The following GAK variants were observed in gnomAD, a reference collection of about 807,000 sequenced individuals.
GAK encodes cyclin G associated kinase.
A neutral mutation model predicts 143.9 loss-of-function variants in GAK; 79 were observed. The observed-to-expected ratio is 0.55, with a 90% CI of 0.46 to 0.66. The LOEUF is 0.66. Ranked by LOEUF, GAK falls within the 30% of genes least tolerant of loss-of-function variation. The pLI is 0.00. For synonymous variants in GAK, 881 were observed against 765.5 expected, an observed-to-expected ratio of 1.15 and a Z score of -2.49; for missense variants, 1,693 against 1,779.7, an observed-to-expected ratio of 0.95 and a Z score of 0.88.
chr4:920,539 ATTTTT>A (rs34176109), intron 1 of GAK, among the ~76,000 whole-genome samples: 4 of 129,594 alleles, frequency 3.1e-5, no homozygotes, highest in East Asian at 4.7e-4. Flanking sequence ...GTTTAGAGCC[ATTTTT>A]TTTTTTTTTT....
intron 1 of GAK, among the ~76,000 whole-genome samples, chr4:919,833 C>T (rs1187715247): frequency 6.6e-6 from 1 of 152,242 alleles, no homozygotes; most frequent in South Asian, 2.1e-4. Flanking sequence ...CATCTACATC[C>T]AGCACCTAAG....
Position 865,135 on chromosome 4 carries a change from C to T in GAK, c.3153G>A (p.Thr1051=), listed in dbSNP as rs149678181. Residue 1051 remains threonine (T), a synonymous_variant, in exon 23 of 28, where the codon ACG becomes ACA. Coordinates refer to ENST00000314167, the MANE Select transcript of GAK (RefSeq NM_005255.4). Reference sequence around the variant, plus strand: ...TGGTGGCCATACCTTCTGTGGCTGGCGTGGGGGCCACTGCCGATGCTGCAG... The same window carrying T: ...TGGTGGCCATACCTTCTGTGGCTGGTGTGGGGGCCACTGCCGATGCTGCAG... ...TETAASAVAP[T]PATEGPLFSP... 104 of 1,608,722 alleles carry T rather than the reference C, an allele frequency of 6.5e-5. 1 individual carries two copies. Among genetic ancestry groups the T allele is most frequent in the African/African-American group, 2.8e-4 (21 of 74,998 alleles).
intron 15 of GAK, among the ~76,000 whole-genome samples, chr4:880,683 A>G (rs1315881012): frequency 6.6e-6 from 1 of 151,892 alleles, no homozygotes; most frequent in Non-Finnish European, 1.5e-5. Flanking sequence ...GACAGCACAC[A>G]CACACCTCCT....
At chr4:873,077 C>A (rs1167367226) in intron 18 of GAK, among the ~76,000 whole-genome samples, 1 of 152,232 alleles carries the variant, frequency 6.6e-6, no homozygotes, top group Non-Finnish European at 1.5e-5. Flanking sequence ...GCCTTGATCT[C>A]GCAGGTTCAA....
At chr4:897,302 A>G (rs577317533) in intron 6 of GAK, among the ~76,000 whole-genome samples, 62 of 152,328 alleles carry the variant, frequency 4.1e-4, no homozygotes, top group African/African-American at 1.2e-3. Context: ...TGGGAAAATG[A>G]GAGCTTACGG....
intron 18 of GAK, among the ~76,000 whole-genome samples, chr4:871,306 G>A (rs550280225): frequency 1.3e-5 from 2 of 152,362 alleles, no homozygotes; most frequent in East Asian, 3.9e-4. Context: ...ACCCAGGCAG[G>A]CAGCTCTGAG....
At chr4:926,995 T>C (rs1253067585) in intron 1 of GAK, among the ~76,000 whole-genome samples, 2 of 21,866 alleles carry the variant, frequency 9.1e-5, no homozygotes, top group Non-Finnish European at 1.5e-4. Context: ...CCCGCACCCC[T>C]CCCGGCTCAC....
chr4:851,384 C>G, intron 25 of GAK: 1 of 465,630 alleles, frequency 2.1e-6, no homozygotes, highest in Middle Eastern at 4.2e-4. Flanking sequence ...GCGTGAGCCA[C>G]AAAGCCCAGT....
intron 1 of GAK, among the ~76,000 whole-genome samples, chr4:930,091 T>C (rs566163854): frequency 3.9e-5 from 6 of 152,228 alleles, no homozygotes; most frequent in Non-Finnish European, 8.8e-5. Context: ...AGGGTTCAGA[T>C]TACCAGCCAT....
chr4:859,158 C>T (rs530167359), intron 24 of GAK: 9 of 983,778 alleles, frequency 9.1e-6, no homozygotes, highest in Admixed American at 6.2e-5. Flanking sequence ...GACGTGGGAC[C>T]GGAGACTCAG....
intron 1 of GAK, among the ~76,000 whole-genome samples, chr4:930,129 C>T (rs775727944): frequency 6.6e-6 from 1 of 152,188 alleles, no homozygotes; most frequent in East Asian, 1.9e-4. Context: ...ACAGCCTAAA[C>T]TCCCATAGCC....
At chr4:864,399 C>T (rs1750785830) in intron 23 of GAK, among the ~76,000 whole-genome samples, 1 of 152,122 alleles carries the variant, frequency 6.6e-6, no homozygotes, top group African/African-American at 2.4e-5. Flanking sequence ...ACAAAAAACC[C>T]CCTTAACTCT....
chr4:890,421 G>A (rs763488210), intron 10 of GAK, 111 bp downstream of exon 10: 2 of 721,034 alleles, frequency 2.8e-6, no homozygotes, highest in Non-Finnish European at 4.5e-6. Flanking sequence ...TCTCTGGTGG[G>A]AGAGGAGGCC....
rs566097006 is a variant in GAK, at chr4:890,537, C to A, written c.1076G>T (p.Ser359Ile). ...GCACAGGACAGGGCACTCACCTCCACTGTAGCCACTGCCAGCGGGGCCCAC... is the reference window on the plus strand; with the variant it reads ...GCACAGGACAGGGCACTCACCTCCAATGTAGCCACTGCCAGCGGGGCCCAC... ...PPVGPAGSGY[S>I]GGLALAEYDQ... The change falls in exon 10 of 28, where the codon AGT (serine) becomes ATT (isoleucine). Residue 359 changes from serine (S) to isoleucine (I), a missense_variant. Transcript: ENST00000314167. 2.3e-5 allele frequency: 37 copies of A among 1,607,288 alleles called. No homozygotes were observed. Among genetic ancestry groups the A allele is most frequent in the South Asian group, 7.8e-5 (7 of 90,216 alleles).
Position 884,047 on chromosome 4 carries a change from G to A in GAK, c.1245C>T (p.Ser415=), listed in dbSNP as rs752047236. The A allele has an allele frequency of 1.9e-6, 3 of 1,613,778 alleles. No homozygotes were observed. The highest frequency in any genetic ancestry group is 2.7e-5 in the African/African-American group (2 of 75,064). Residue 415 remains serine, a synonymous_variant, in exon 12 of 28, where the codon TCC becomes TCT. Transcript: ENST00000314167. ...KGDLDISYIT[S]RIAVMSFPAE... ...ATGTGGCACGCATACCTGCAATTCT[G>A]GATGTGATGTAAGATATGTCCAGGT...
At chr4:900,205 G>T (rs568935558) in intron 5 of GAK, among the ~76,000 whole-genome samples, 35 of 151,866 alleles carry the variant, frequency 2.3e-4, no homozygotes, top group Middle Eastern at 6.8e-3. Context: ...AGGCGAGTGG[G>T]GCCACCTGTG....
In GAK at chr4:879,378, GT is replaced by G. The variant is rs376632880; in HGVS notation, c.1662-1570del. ...ATTAAAATCTACCATCTTGCTGGCT[GT>G]TTCCTACTTGTTTGATCTGTTCTTG... On this transcript the variant is annotated intron_variant, in intron 15 of 27. Transcript: ENST00000314167. Among the ~76,000 whole-genome samples, 125 of 152,340 alleles carry G rather than the reference GT, an allele frequency of 8.2e-4. 1 individual carries two copies. The highest frequency in any genetic ancestry group is 2.9e-3 in the African/African-American group (120 of 41,582).
intron 13 of GAK, 29 bp from the exon 14 acceptor site, chr4:882,848 C>G: frequency 6.2e-7 from 1 of 1,600,318 alleles, no homozygotes; most frequent in South Asian, 1.1e-5. Flanking sequence ...GTGGCACGGA[C>G]GGCAGAGGAG....
intron 7 of GAK, chr4:894,255 AGC>A: frequency 3.2e-6 from 1 of 307,792 alleles, no homozygotes; most frequent in East Asian, 7.7e-5. Context: ...GGCCGCGGGG[AGC>A]GCAGGGGTGA....
Sources: gnomAD v4.1 joint callset for allele counts (sites outside exome capture counted in the v4.1 genomes callset) on GRCh38, gnomAD v4.1.1 for gene constraint, MANE v1.5 for transcripts, NCBI Gene and HGNC (gene_info 2026-07-23, HGNC 2026-07-21) for gene names.